PRTFDC1: variants seen among roughly 807,000 people sequenced by gnomAD.
The protein encoded by PRTFDC1 is phosphoribosyltransferase domain-containing protein 1.
In PRTFDC1, 38 loss-of-function variants were observed where a neutral mutation model predicts 34.6. The observed-to-expected ratio is 1.10, with a 90% CI of 0.85 to 1.44. The LOEUF is 1.44. Among genes scored for constraint, PRTFDC1 ranks in the 40% most tolerant of loss-of-function variants. The pLI is 0.00. For missense variants in PRTFDC1, 270 were observed against 283.0 expected (o/e 0.95, Z 0.33); for synonymous variants, 93 against 98.1 (o/e 0.95, Z 0.31).
At chr10:24,852,278 G>C (rs57294979) in intron 7 of PRTFDC1, among the ~76,000 whole-genome samples, 1 of 151,742 alleles carries the variant, frequency 6.6e-6, no homozygotes, top group Non-Finnish European at 1.5e-5. Context: ...TCAGTTTCCC[G>C]AGTAGCTGGG....
intron 3 of PRTFDC1, among the ~76,000 whole-genome samples, chr10:24,885,447 C>T (rs563288631): frequency 6.6e-6 from 1 of 152,262 alleles, no homozygotes; most frequent in Non-Finnish European, 1.5e-5. Flanking sequence ...GCTCTGTTGC[C>T]CAGGATGGAG....
intron 3 of PRTFDC1, among the ~76,000 whole-genome samples, chr10:24,906,815 G>A (rs1236098049): frequency 3.3e-5 from 5 of 152,180 alleles, no homozygotes; most frequent in Admixed American, 6.5e-5. Context: ...ACCTGCTCCC[G>A]TGTGAGCATC....
At chr10:24,911,089 C>G (rs976886504) in intron 3 of PRTFDC1, among the ~76,000 whole-genome samples, 1 of 152,170 alleles carries the variant, frequency 6.6e-6, no homozygotes, top group Non-Finnish European at 1.5e-5. Context: ...AAAAAATCAG[C>G]TCTTTCGAGG....
rs547610327 is a variant in PRTFDC1, at chr10:24,949,002, G to A, written c.48+3526C>T. Among the ~76,000 whole-genome samples the A allele has an allele frequency of 2.0e-5, 3 of 152,270 alleles. No individual in the cohort carries two copies. In the East Asian group the frequency reaches 5.8e-4, roughly 29 times the overall value. ...CCTGGGTGATTTACTTAATCTCTCA[G>A]TGCCTCAGTTTCCTCTTCTGTAAAA... On this transcript the variant is annotated intron_variant, in intron 1 of 8. Transcript: ENST00000320152.
intron 3 of PRTFDC1, chr10:24,908,682 G>A (rs111844285): frequency 4.1e-5 from 65 of 1,595,130 alleles, no homozygotes; most frequent in African/African-American, 3.1e-4. Flanking sequence ...AACCGAGCAC[G>A]CAGCTTTGGG....
intron 1 of PRTFDC1, among the ~76,000 whole-genome samples, chr10:24,951,187 A>C (rs1359236797): frequency 6.6e-6 from 1 of 152,102 alleles, no homozygotes; most frequent in Non-Finnish European, 1.5e-5. Context: ...GTCACCGCAG[A>C]GAGGCTGCCC....
chr10:24,855,395 C>A (rs1341065835), intron 6 of PRTFDC1, 31 bp from the exon 7 acceptor site: 2 of 1,610,798 alleles, frequency 1.2e-6, no homozygotes, highest in Admixed American at 3.4e-5. Flanking sequence ...CTTTAGTGAA[C>A]CCAATCAAAT....
intron 6 of PRTFDC1, among the ~76,000 whole-genome samples, chr10:24,855,930 A>G (rs1847565698): frequency 6.6e-6 from 1 of 152,074 alleles, no homozygotes; most frequent in Admixed American, 6.6e-5. Flanking sequence ...CCTGGCCAAC[A>G]TGGTGAAAAC....
chr10:24,908,550 G>A, intron 3 of PRTFDC1: 1 of 1,612,804 alleles, frequency 6.2e-7, no homozygotes, highest in Non-Finnish European at 8.5e-7. Context: ...TGGAAACAGG[G>A]AATGAGCACT....
At chr10:24,864,977 A>T (rs574175167) in intron 4 of PRTFDC1, among the ~76,000 whole-genome samples, 1 of 152,084 alleles carries the variant, frequency 6.6e-6, no homozygotes, top group African/African-American at 2.4e-5. Flanking sequence ...TTAGCCAGGC[A>T]TGGTGGTGCA....
rs1454822383 is a variant in PRTFDC1 at position 24,849,840 on chromosome 10, G to A, written c.*4C>T. 1 of 1,613,656 alleles carries A rather than the reference G, an allele frequency of 6.2e-7. No individual in the cohort carries two copies. The highest frequency in any genetic ancestry group is 8.5e-7 in the Non-Finnish European group (1 of 1,179,604). On this transcript the variant is annotated 3_prime_UTR_variant, in exon 9 of 9. Coordinates refer to ENST00000320152, the MANE Select transcript of PRTFDC1 (RefSeq NM_020200.7). ...TGGGACTTTAGTGGTGAGAATTCAT[G>A]TCTTTAGACTCGATATTTTTCTTTA...
At chr10:24,915,071 T>C (rs1263234766) in intron 3 of PRTFDC1, among the ~76,000 whole-genome samples, 9 of 152,096 alleles carry the variant, frequency 5.9e-5, no homozygotes, top group Admixed American at 5.9e-4. Flanking sequence ...AACCTACACA[T>C]GCACCCCTTG....
At chr10:24,900,092 G>A (rs1376805067) in intron 3 of PRTFDC1, among the ~76,000 whole-genome samples, 1 of 152,188 alleles carries the variant, frequency 6.6e-6, no homozygotes, top group Non-Finnish European at 1.5e-5. Context: ...CCATCAATGG[G>A]CAGAATTCCA....
chr10:24,876,847 G>A (rs1040720919), intron 3 of PRTFDC1, among the ~76,000 whole-genome samples: 4 of 19,390 alleles, frequency 2.1e-4, no homozygotes, highest in Non-Finnish European at 3.6e-4. Context: ...CCCGCCCCCC[G>A]ACTCAGCCCC....
chr10:24,893,551 C>T (rs1393765757), intron 3 of PRTFDC1, among the ~76,000 whole-genome samples: 1 of 152,178 alleles, frequency 6.6e-6, no homozygotes, highest in East Asian at 1.9e-4. Context: ...CTCAAGTGAT[C>T]CTCCTGCCTT....
At chr10:24,868,794 C>A (rs1202079771) in intron 4 of PRTFDC1, among the ~76,000 whole-genome samples, 1 of 54,916 alleles carries the variant, frequency 1.8e-5, no homozygotes, top group African/African-American at 6.6e-5. Context: ...TTTCCTTTTA[C>A]ATTTTTTTTT....
At chr10:24,941,452 C>T (rs1327756015) in intron 2 of PRTFDC1, among the ~76,000 whole-genome samples, 1 of 151,930 alleles carries the variant, frequency 6.6e-6, no homozygotes, top group East Asian at 1.9e-4. Context: ...CAAGTGATCC[C>T]CACACTTCAG....
At chr10:24,867,505 T>A (rs1011296516) in intron 4 of PRTFDC1, 1 of 152,204 alleles carries the variant, frequency 6.6e-6, no homozygotes, top group Non-Finnish European at 1.5e-5. Flanking sequence ...CAGCTCTTCA[T>A]TGAGACTTTC....
At chr10:24,924,230 C>T (rs1848837213) in intron 3 of PRTFDC1, among the ~76,000 whole-genome samples, 1 of 152,208 alleles carries the variant, frequency 6.6e-6, no homozygotes. Flanking sequence ...AAACACTCTT[C>T]AGGATATTAC....
Sources: gnomAD v4.1 joint callset for allele counts (sites outside exome capture counted in the v4.1 genomes callset) on GRCh38, gnomAD v4.1.1 for gene constraint, MANE v1.5 for transcripts, NCBI Gene and HGNC (gene_info 2026-07-23, HGNC 2026-07-21) for gene names.